The following WDPCP variants were observed in gnomAD, a reference collection of about 807,000 sequenced individuals.
WDPCP encodes WD repeat-containing and planar cell polarity effector protein fritz homolog.
In WDPCP, 71 loss-of-function variants were observed where a neutral mutation model predicts 93.1. The ratio of observed to expected loss-of-function variants is 0.76; its 90% CI spans 0.63 to 0.93. WDPCP has a LOEUF of 0.93. Ranked by LOEUF, WDPCP falls within the 40% of genes least tolerant of loss-of-function variation. The pLI, the probability that WDPCP is intolerant of heterozygous loss-of-function variation, is 0.00. For synonymous variants in WDPCP, 315 were observed against 315.0 expected (o/e 1.00, Z 0.00); for missense variants, 844 against 887.4 (o/e 0.95, Z 0.62).
intron 3 of WDPCP, among the ~76,000 whole-genome samples, chr2:63,618,093 A>C (rs1709692698): frequency 6.6e-6 from 1 of 152,236 alleles, no homozygotes; most frequent in Non-Finnish European, 1.5e-5. Flanking sequence ...CTTGAGGATT[A>C]AGACAGATTT....
chr2:63,716,237 T>A (rs934586592), intron 2 of WDPCP, among the ~76,000 whole-genome samples: 2 of 152,138 alleles, frequency 1.3e-5, no homozygotes, highest in Non-Finnish European at 2.9e-5. Context: ...TCTAGTAACT[T>A]AATAGACCTC....
intron 14 of WDPCP, among the ~76,000 whole-genome samples, chr2:63,188,514 T>C (rs879011149): frequency 1.3e-5 from 2 of 151,996 alleles, no homozygotes; most frequent in Admixed American, 6.6e-5. Context: ...TGTTTTTTTT[T>C]CAAGAGACAG....
At position 63,527,547 on chromosome 2, in the gene WDPCP, C is replaced by A. The variant is rs373433670; in HGVS notation, c.76-34607G>T. Reference sequence around the variant, plus strand: ...ATCCATGTTCCTACAAAGGACATGACCTCATCCTTTTTTATGGCTGCATAG... The same window carrying A: ...ATCCATGTTCCTACAAAGGACATGAACTCATCCTTTTTTATGGCTGCATAG... On this transcript the variant is annotated intron_variant, in intron 1 of 17. Coordinates refer to ENST00000272321, the MANE Select transcript of WDPCP (RefSeq NM_015910.7). 2.8e-3 allele frequency among the ~76,000 whole-genome samples: 433 copies of A among 152,032 alleles called. 1 individual carries two copies. The highest frequency in any genetic ancestry group is 0.022 in the East Asian group (112 of 5,176).
chr2:63,253,524 T>C (rs540534837), intron 14 of WDPCP, among the ~76,000 whole-genome samples: 2 of 152,112 alleles, frequency 1.3e-5, no homozygotes, highest in South Asian at 2.1e-4. Flanking sequence ...GCAGAATCTA[T>C]GAAAAACTTG....
intron 2 of WDPCP, among the ~76,000 whole-genome samples, chr2:63,721,145 C>T (rs2103787139): frequency 6.6e-6 from 1 of 152,374 alleles, no homozygotes; most frequent in East Asian, 1.9e-4. Flanking sequence ...GATTTAGATA[C>T]ATGAGTCAAG....
At chr2:63,185,970 G>A (rs778340877) in intron 14 of WDPCP, among the ~76,000 whole-genome samples, 1 of 152,106 alleles carries the variant, frequency 6.6e-6, no homozygotes, top group African/African-American at 2.4e-5. Context: ...GGAGAGTTTA[G>A]GGAGCAGTCA....
chr2:63,208,979 G>C (rs886332170), intron 14 of WDPCP, among the ~76,000 whole-genome samples: 1 of 152,138 alleles, frequency 6.6e-6, no homozygotes, highest in African/African-American at 2.4e-5. Context: ...ATTTGGCCCT[G>C]GCTCTGGCAA....
intron 12 of WDPCP, among the ~76,000 whole-genome samples, chr2:63,356,419 C>A (rs1303725046): frequency 6.6e-6 from 1 of 152,264 alleles, no homozygotes; most frequent in East Asian, 1.9e-4. Flanking sequence ...CAGCATTGAA[C>A]CAAATGGATG....
At chr2:63,188,963 C>A (rs1674837462) in intron 14 of WDPCP, among the ~76,000 whole-genome samples, 1 of 152,182 alleles carries the variant, frequency 6.6e-6, no homozygotes, top group South Asian at 2.1e-4. Flanking sequence ...ACCAGTCAGG[C>A]TGGCTAGAGG....
intron 12 of WDPCP, among the ~76,000 whole-genome samples, chr2:63,337,406 C>G (rs1211507740): frequency 6.6e-6 from 1 of 152,130 alleles, no homozygotes; most frequent in African/African-American, 2.4e-5. Flanking sequence ...ACTTAGGTTG[C>G]TTCCATATTT....
At chr2:63,470,015 C>T (rs548666530) in intron 6 of WDPCP, among the ~76,000 whole-genome samples, 2 of 152,316 alleles carry the variant, frequency 1.3e-5, no homozygotes, top group East Asian at 3.9e-4. Flanking sequence ...CCACTTTATT[C>T]TTGAAACTTG....
intron 17 of WDPCP, among the ~76,000 whole-genome samples, chr2:63,143,766 C>A (rs894609974): frequency 6.6e-6 from 1 of 152,188 alleles, no homozygotes; most frequent in African/African-American, 2.4e-5. Flanking sequence ...GAAGATAGGG[C>A]ACCAATCTCT....
chr2:63,698,544 G>A (rs921811441), intron 2 of WDPCP, among the ~76,000 whole-genome samples: 2 of 152,200 alleles, frequency 1.3e-5, no homozygotes, highest in Non-Finnish European at 2.9e-5. Context: ...GGCACAGACT[G>A]AGGCTGGAGG....
intron 15 of WDPCP, among the ~76,000 whole-genome samples, chr2:63,173,924 T>C (rs1673592753): frequency 1.3e-5 from 2 of 152,248 alleles, no homozygotes; most frequent in African/African-American, 4.8e-5. Context: ...AGGGATGTTA[T>C]GCATAAACCA....
intron 10 of WDPCP, among the ~76,000 whole-genome samples, chr2:63,395,511 C>A (rs1289243420): frequency 1.3e-5 from 2 of 152,232 alleles, no homozygotes; most frequent in East Asian, 3.9e-4. Context: ...AGCCATTTCA[C>A]TTAGGATAAT....
At chr2:63,575,621 G>A (rs186914463) in intron 1 of WDPCP, among the ~76,000 whole-genome samples, 1 of 145,750 alleles carries the variant, frequency 6.9e-6, no homozygotes, top group Admixed American at 6.9e-5. Context: ...TACTACCAAA[G>A]GTATTTACTA....
intron 1 of WDPCP, among the ~76,000 whole-genome samples, chr2:63,583,596 G>C (rs1244296837): frequency 6.6e-6 from 1 of 151,178 alleles, no homozygotes; most frequent in African/African-American, 2.4e-5. Context: ...CAGAAGAATT[G>C]CTTGAACCCA....
At chr2:63,495,477 C>T (rs1701167582) in intron 1 of WDPCP, among the ~76,000 whole-genome samples, 1 of 152,150 alleles carries the variant, frequency 6.6e-6, no homozygotes, top group Non-Finnish European at 1.5e-5. Context: ...AAACTGCAGA[C>T]TTTTCATATG....
chr2:63,490,231 T>C (rs545245691), intron 2 of WDPCP, among the ~76,000 whole-genome samples: 2 of 152,142 alleles, frequency 1.3e-5, no homozygotes, highest in South Asian at 2.1e-4. Context: ...GATGGGACAA[T>C]TGGTAAACTG....
Sources: allele counts gnomAD v4.1 joint callset (sites outside exome capture counted in the v4.1 genomes callset), GRCh38; gene constraint gnomAD v4.1.1; transcripts MANE v1.5; gene names NCBI Gene and HGNC (gene_info 2026-07-23, HGNC 2026-07-21).